CHSY3: variants seen among roughly 807,000 people sequenced by gnomAD.
CHSY3 encodes the protein chondroitin sulfate synthase 3.
A neutral mutation model predicts 67.2 loss-of-function variants in CHSY3; 35 were observed. The observed-to-expected ratio is 0.52, with a 90% CI of 0.40 to 0.69. The LOEUF is 0.69. CHSY3 is among the 30% of genes least tolerant of loss of function. CHSY3 has a pLI of 0.00. For missense variants in CHSY3, 1,069 were observed against 1,138.5 expected (o/e 0.94, Z 0.88); for synonymous variants, 474 against 434.7 (o/e 1.09, Z -1.12).
At chr5:130,174,978 T>C (rs1770001469) in intron 2 of CHSY3, among the ~76,000 whole-genome samples, 1 of 152,050 alleles carries the variant, frequency 6.6e-6, no homozygotes, top group African/African-American at 2.4e-5. Context: ...GGAAAAGATA[T>C]AATAGTGGGG....
intron 2 of CHSY3, among the ~76,000 whole-genome samples, chr5:130,129,218 CT>C (rs1371890339): frequency 2.0e-5 from 3 of 152,078 alleles, no homozygotes; most frequent in Non-Finnish European, 4.4e-5. Flanking sequence ...ATCAATTTAG[CT>C]TAGATGGAAG....
intron 2 of CHSY3, among the ~76,000 whole-genome samples, chr5:130,113,448 GAAAC>G (rs1224388978): frequency 6.6e-6 from 1 of 152,116 alleles, no homozygotes; most frequent in African/African-American, 2.4e-5. Context: ...TTTAAACTCA[GAAAC>G]AAAGCTATTA....
rs111517322 is a variant in CHSY3 at position 130,163,552 on chromosome 5, GA to G, written c.1087-20668del. Among the ~76,000 whole-genome samples the G allele has an allele frequency of 6.6e-5, 10 of 150,548 alleles. No individual in the cohort carries two copies. The South Asian group carries it at 1.3e-3, about 19-fold the overall frequency. ...CATTTCTTCTAAATTATTCTCTGAG[GA>G]AAAAAAAATCTATTTTTCTCGAGAA... On this transcript the variant is annotated intron_variant, in intron 2 of 2. Coordinates refer to ENST00000305031, the MANE Select transcript of CHSY3 (RefSeq NM_175856.5).
intron 2 of CHSY3, among the ~76,000 whole-genome samples, chr5:130,117,601 T>A (rs1767855635): frequency 6.6e-6 from 1 of 152,068 alleles, no homozygotes; most frequent in African/African-American, 2.4e-5. Context: ...AATAAACAAA[T>A]TTTTTTTATT....
chr5:129,913,859 A>G (rs1401380068), intron 2 of CHSY3, among the ~76,000 whole-genome samples: 1 of 152,312 alleles, frequency 6.6e-6, no homozygotes, highest in East Asian at 1.9e-4. Flanking sequence ...CCTTAAAGTG[A>G]TAATTTTACA....
chr5:130,106,157 T>C (rs1767408356), intron 2 of CHSY3, among the ~76,000 whole-genome samples: 1 of 151,706 alleles, frequency 6.6e-6, no homozygotes. Flanking sequence ...TATTTTACTG[T>C]ACCACGTGAT....
chr5:130,064,353 G>T (rs185816030), intron 2 of CHSY3, among the ~76,000 whole-genome samples: 16 of 152,244 alleles, frequency 1.1e-4, no homozygotes, highest in Admixed American at 6.5e-4. Context: ...AATTGAAGCT[G>T]ACAGAAGTTA....
chr5:129,988,709 T>C (rs1380558953), intron 2 of CHSY3, among the ~76,000 whole-genome samples: 4 of 152,244 alleles, frequency 2.6e-5, no homozygotes, highest in African/African-American at 4.8e-5. Flanking sequence ...ATCATTGGGC[T>C]AATCAAGTCA....
intron 1 of CHSY3, among the ~76,000 whole-genome samples, chr5:129,907,349 C>G (rs1007073041): frequency 6.6e-6 from 1 of 152,098 alleles, no homozygotes; most frequent in Non-Finnish European, 1.5e-5. Context: ...AGATGCTGTG[C>G]TCATCAAAAA....
intron 2 of CHSY3, among the ~76,000 whole-genome samples, chr5:130,065,444 G>A (rs1366435079): frequency 1.3e-5 from 2 of 151,998 alleles, no homozygotes; most frequent in African/African-American, 4.8e-5. Context: ...CTGATTATGG[G>A]GATTTTAGGA....
chr5:129,959,525 G>GT (rs1561473667), intron 2 of CHSY3, among the ~76,000 whole-genome samples: 1 of 152,088 alleles, frequency 6.6e-6, no homozygotes, highest in Non-Finnish European at 1.5e-5. Flanking sequence ...TAATTTGCAT[G>GT]TAAAACTATA....
intron 2 of CHSY3, among the ~76,000 whole-genome samples, chr5:129,988,877 G>A (rs139356360): frequency 2.0e-5 from 3 of 152,152 alleles, no homozygotes; most frequent in Non-Finnish European, 4.4e-5. Flanking sequence ...CTTAAAACCT[G>A]TACTTCTGTA....
At chr5:130,108,661 T>G (rs1410688350) in intron 2 of CHSY3, among the ~76,000 whole-genome samples, 2 of 151,670 alleles carry the variant, frequency 1.3e-5, no homozygotes, top group African/African-American at 4.8e-5. Context: ...GAGGTTGAAT[T>G]TATTGGTTTT....
chr5:129,937,175 G>T (rs770355768), intron 2 of CHSY3, among the ~76,000 whole-genome samples: 7 of 152,132 alleles, frequency 4.6e-5, no homozygotes, highest in South Asian at 2.1e-4. Context: ...AGGTTTAATT[G>T]GTTCATGGTT....
chr5:130,072,494 T>C (rs1025421476), intron 2 of CHSY3, among the ~76,000 whole-genome samples: 4 of 152,112 alleles, frequency 2.6e-5, no homozygotes, highest in Non-Finnish European at 5.9e-5. Flanking sequence ...TTTCTGGGCT[T>C]TCTATCCTCT....
chr5:130,010,089 A>G (rs149186870), intron 2 of CHSY3, among the ~76,000 whole-genome samples: 218 of 152,274 alleles, frequency 1.4e-3, no homozygotes, highest in African/African-American at 4.9e-3. Context: ...AAGGCAGAAA[A>G]CCAGCAAAGA....
At chr5:130,183,805 T>G (rs926085173) in intron 2 of CHSY3, among the ~76,000 whole-genome samples, 3 of 152,062 alleles carry the variant, frequency 2.0e-5, no homozygotes, top group African/African-American at 7.2e-5. Context: ...TTCAGTTAGA[T>G]AGGAGGAATA....
intron 2 of CHSY3, among the ~76,000 whole-genome samples, chr5:129,980,557 G>A (rs1762951685): frequency 6.6e-6 from 1 of 152,136 alleles, no homozygotes. Context: ...TTTTCTCCCA[G>A]TATGTGACTT....
chr5:129,924,194 G>T (rs1223616214), intron 2 of CHSY3, among the ~76,000 whole-genome samples: 1 of 151,904 alleles, frequency 6.6e-6, no homozygotes, highest in Non-Finnish European at 1.5e-5. Flanking sequence ...TATCTTCCTA[G>T]AGAGCTTCCC....
Sources: allele counts gnomAD v4.1 joint callset (sites outside exome capture counted in the v4.1 genomes callset), GRCh38; gene constraint gnomAD v4.1.1; transcripts MANE v1.5; gene names NCBI Gene and HGNC (gene_info 2026-07-23, HGNC 2026-07-21).